The following PXDNL variants were observed in gnomAD, a reference collection of about 807,000 sequenced individuals.
The protein encoded by PXDNL is probable oxidoreductase PXDNL.
PXDNL carries 145 observed loss-of-function variants against 150.8 expected under a neutral mutation model. That is an observed-to-expected ratio of 0.96 (90% CI 0.84 to 1.10). The LOEUF (loss-of-function observed/expected upper bound fraction) is 1.10, where lower values mean the gene tolerates loss of function less well. Ranked by LOEUF, PXDNL falls within the 50% of genes least tolerant of loss-of-function variation. The pLI, the probability that PXDNL is intolerant of heterozygous loss-of-function variation, is 0.00. For synonymous variants in PXDNL, 757 were observed against 725.7 expected, an observed-to-expected ratio of 1.04 and a Z score of -0.69; for missense variants, 2,087 against 1,873.9, an observed-to-expected ratio of 1.11 and a Z score of -2.10.
At chr8:51,401,833 C>A (rs943292945) in intron 17 of PXDNL, among the ~76,000 whole-genome samples, 31 of 152,148 alleles carry the variant, frequency 2.0e-4, no homozygotes, top group Non-Finnish European at 4.1e-4. Flanking sequence ...AAATGGTCAA[C>A]AATCACTGTT....
intron 1 of PXDNL, among the ~76,000 whole-genome samples, chr8:51,662,374 C>T (rs914420587): frequency 6.6e-6 from 1 of 151,962 alleles, no homozygotes; most frequent in Non-Finnish European, 1.5e-5. Context: ...AAAAATTAGC[C>T]GGGCATGGTG....
chr8:51,773,354 C>T (rs2037319678), intron 1 of PXDNL, among the ~76,000 whole-genome samples: 1 of 152,198 alleles, frequency 6.6e-6, no homozygotes, highest in Non-Finnish European at 1.5e-5. Context: ...GGAAGCATCA[C>T]ATTACAGCCA....
At chr8:51,636,696 T>C (rs1585636830) in intron 2 of PXDNL, among the ~76,000 whole-genome samples, 1 of 152,070 alleles carries the variant, frequency 6.6e-6, no homozygotes, top group Middle Eastern at 3.4e-3. Flanking sequence ...CCTAAATAAA[T>C]GAAAAAGGAT....
chr8:51,579,772 T>C (rs1267441381), intron 3 of PXDNL, among the ~76,000 whole-genome samples: 6 of 152,066 alleles, frequency 3.9e-5, no homozygotes, highest in Admixed American at 3.3e-4. Context: ...ATTGATATCA[T>C]GGAATATTAC....
In PXDNL at chr8:51,589,482, C is replaced by T. The variant is rs560253213; in HGVS notation, c.308+3145G>A. On this transcript the variant is annotated intron_variant, in intron 3 of 22. Coordinates refer to ENST00000356297, the MANE Select transcript of PXDNL (RefSeq NM_144651.5). ...GGTATGGAATGTCTTAGATATTAAG[C>T]GGTCATGGCCAGAATGTTGATAGAA... 5.3e-5 allele frequency among the ~76,000 whole-genome samples: 8 copies of T among 151,846 alleles called. No homozygotes were observed. In the East Asian group the frequency reaches 9.7e-4, roughly 18 times the overall value.
rs576728449 is a variant in PXDNL at position 51,362,489 on chromosome 8, T to C, written c.3901+9384A>G. Among the ~76,000 whole-genome samples, 5 of 152,376 alleles carry C rather than the reference T, an allele frequency of 3.3e-5. No individual in the cohort carries two copies. In the South Asian group the frequency reaches 1.0e-3, roughly 32 times the overall value. On this transcript the variant is annotated intron_variant, in intron 19 of 22. Coordinates refer to ENST00000356297, the MANE Select transcript of PXDNL (RefSeq NM_144651.5). Reference sequence around the variant, plus strand: ...ATCTGCCTATGTACATTAGAAACTCTTGCCATTGTTTTCAATTTACATAAC... The same window carrying C: ...ATCTGCCTATGTACATTAGAAACTCCTGCCATTGTTTTCAATTTACATAAC...
At chr8:51,636,146 AAC>A (rs1327196047) in intron 2 of PXDNL, among the ~76,000 whole-genome samples, 1 of 152,146 alleles carries the variant, frequency 6.6e-6, no homozygotes, top group Non-Finnish European at 1.5e-5. Flanking sequence ...GACAAAATTC[AAC>A]ACCCTTTTAT....
chr8:51,555,643 T>A (rs1234838100), intron 4 of PXDNL, among the ~76,000 whole-genome samples: 3 of 152,146 alleles, frequency 2.0e-5, no homozygotes, highest in African/African-American at 7.2e-5. Flanking sequence ...AATTTCAGGA[T>A]CAAAAGCTTC....
Position 51,457,519 on chromosome 8 carries a change from G to C in PXDNL, c.961C>G (p.Leu321Val). Residue 321 changes from leucine (L) to valine (V), a missense_variant, in exon 9 of 23, where the codon CTC becomes GTC. Coordinates refer to ENST00000356297, the MANE Select transcript of PXDNL (RefSeq NM_144651.5). ...AGEAKTQSAM[L>V]RYSSLPAKPS... The stretch of plus-strand genomic sequence containing the variant: ...TTACCTGGAAGACTGGAGTATCTGA[G>C]CATGGCACTCTGTGTCTTGGCTTCC... The C allele has an allele frequency of 6.2e-7, 1 of 1,612,616 alleles. No homozygotes were observed. Among genetic ancestry groups the C allele is most frequent in the Non-Finnish European group, 8.5e-7 (1 of 1,179,370 alleles).
At chr8:51,680,500 A>G (rs1203003346) in intron 1 of PXDNL, among the ~76,000 whole-genome samples, 1 of 152,178 alleles carries the variant, frequency 6.6e-6, no homozygotes, top group Non-Finnish European at 1.5e-5. Flanking sequence ...ATGTGTGTTT[A>G]AAAAAACTGA....
At chr8:51,668,507 A>C (rs1465521520) in intron 1 of PXDNL, among the ~76,000 whole-genome samples, 1 of 152,096 alleles carries the variant, frequency 6.6e-6, no homozygotes, top group African/African-American at 2.4e-5. Context: ...CCATGGTAAT[A>C]AGACAAAAGG....
chr8:51,339,736 T>C lies in PXDNL; in HGVS notation c.4034A>G (p.Tyr1345Cys), dbSNP rs370072256. ...CACATTTCTAGCATCTTCACCCACA[T>C]ATATTTTATCTTGTTGCCTATTTAT... Reference protein sequence around the residue: ...HLRSRQQDKIYVGEDARNVTV... With the variant: ...HLRSRQQDKICVGEDARNVTV... The change falls in exon 21 of 23, where the codon TAT (tyrosine) becomes TGT (cysteine). Residue 1345 changes from tyrosine (Y) to cysteine (C), a missense_variant. Physicochemically the swap from Tyr to Cys is radical, Grantham distance 194. Coordinates refer to ENST00000356297, the MANE Select transcript of PXDNL (RefSeq NM_144651.5). The C allele has an allele frequency of 1.4e-5, 23 of 1,608,496 alleles. No homozygotes were observed. Among genetic ancestry groups the C allele is most frequent in the Non-Finnish European group, 1.7e-5 (20 of 1,178,246 alleles).
intron 4 of PXDNL, among the ~76,000 whole-genome samples, chr8:51,547,546 C>T (rs1200250427): frequency 6.6e-6 from 1 of 152,144 alleles, no homozygotes; most frequent in Non-Finnish European, 1.5e-5. Context: ...CAGCACCAGC[C>T]TACAGCCCAG....
intron 1 of PXDNL, among the ~76,000 whole-genome samples, chr8:51,758,502 A>C (rs1208691207): frequency 1.3e-5 from 2 of 152,206 alleles, no homozygotes. Flanking sequence ...GTCCCACCCA[A>C]ATCTCATCTT....
At position 51,747,106 on chromosome 8, in the gene PXDNL, G is replaced by A. The variant is rs764821966; in HGVS notation, c.164+62075C>T. Among the ~76,000 whole-genome samples, 7 of 152,262 alleles carry A rather than the reference G, an allele frequency of 4.6e-5. No individual in the cohort carries two copies. The South Asian group carries it at 1.0e-3, about 23-fold the overall frequency. ...TACAGACTAATATGGAAAATATTTTGTTGTAAACAAAAAAACTCATGATGG... is the reference window on the plus strand; with the variant it reads ...TACAGACTAATATGGAAAATATTTTATTGTAAACAAAAAAACTCATGATGG... On this transcript the variant is annotated intron_variant, in intron 1 of 22. Coordinates refer to ENST00000356297, the MANE Select transcript of PXDNL (RefSeq NM_144651.5).
At chr8:51,449,445 A>G (rs1346034311) in intron 10 of PXDNL, among the ~76,000 whole-genome samples, 1 of 152,218 alleles carries the variant, frequency 6.6e-6, no homozygotes, top group Non-Finnish European at 1.5e-5. Context: ...TTAAAGCTAC[A>G]AATTGTACTT....
chr8:51,807,222 C>G (rs1483165875), intron 1 of PXDNL, among the ~76,000 whole-genome samples: 1 of 152,182 alleles, frequency 6.6e-6, no homozygotes, highest in African/African-American at 2.4e-5. Flanking sequence ...TTTTGCTTGG[C>G]TTCTGGGGAG....
chr8:51,665,351 CA>C (rs1203762759), intron 1 of PXDNL, among the ~76,000 whole-genome samples: 5 of 152,128 alleles, frequency 3.3e-5, no homozygotes, highest in Admixed American at 2.6e-4. Context: ...TAATGATGCT[CA>C]GTACTAAATG....
chr8:51,575,568 A>G (rs1327605277), intron 3 of PXDNL, among the ~76,000 whole-genome samples: 1 of 152,014 alleles, frequency 6.6e-6, no homozygotes, highest in African/African-American at 2.4e-5. Flanking sequence ...TACAAAAATT[A>G]GCCAGGTGGT....
Sources: allele counts gnomAD v4.1 joint callset (sites outside exome capture counted in the v4.1 genomes callset), GRCh38; gene constraint gnomAD v4.1.1; transcripts MANE v1.5; gene names NCBI Gene and HGNC (gene_info 2026-07-23, HGNC 2026-07-21).